NTNG2: variants seen among roughly 807,000 people sequenced by gnomAD.
NTNG2 encodes the protein netrin-G2.
A neutral mutation model predicts 47.6 loss-of-function variants in NTNG2; 15 were observed. That is an observed-to-expected ratio of 0.32 (90% confidence interval 0.21 to 0.49). The LOEUF is 0.49. Ranked by LOEUF, NTNG2 falls within the 20% of genes least tolerant of loss-of-function variation. The probability of loss-of-function intolerance (pLI) is 0.99; values close to 1 mark genes in which losing one functional copy is unlikely to be tolerated. For synonymous variants in NTNG2, 307 were observed against 324.6 expected (o/e 0.95, Z 0.58); for missense variants, 578 against 764.6 (o/e 0.76, Z 2.88).
rs567085926 is a variant in NTNG2, at chr9:132,182,346, G to C, written c.213+15302G>C. Among the ~76,000 whole-genome samples, 11 of 152,304 alleles carry C rather than the reference G, an allele frequency of 7.2e-5. No individual in the cohort carries two copies. In the South Asian group the frequency reaches 2.3e-3, roughly 32 times the overall value. On this transcript the variant is annotated intron_variant, in intron 2 of 7. Coordinates refer to ENST00000393229, the MANE Select transcript of NTNG2 (RefSeq NM_032536.4). This position sits in a 1 kb window ranked among gnomAD's most constrained non-coding sequence, Gnocchi z 4.2. ...GAGGAGTGTGCTGTCTGCCAAGGGAGGGCTCCAGGCCTGTCTGCTTGGCAC... is the reference window on the plus strand; with the variant it reads ...GAGGAGTGTGCTGTCTGCCAAGGGACGGCTCCAGGCCTGTCTGCTTGGCAC...
chr9:132,206,777 G>T (rs76504806), intron 3 of NTNG2, among the ~76,000 whole-genome samples: 7,332 of 152,368 alleles, frequency 0.048, 491 homozygotes, highest in African/African-American at 0.14. Flanking sequence ...GCATCTCCCA[G>T]GCCCCCTGAG....
intron 2 of NTNG2, among the ~76,000 whole-genome samples, chr9:132,177,893 G>A (rs1444923812): frequency 6.6e-6 from 1 of 152,092 alleles, no homozygotes; most frequent in Non-Finnish European, 1.5e-5. Flanking sequence ...CTGGACTCAA[G>A]TGATCTGCCC....
At chr9:132,211,709 G>A (rs1440780300) in intron 3 of NTNG2, among the ~76,000 whole-genome samples, 2 of 152,152 alleles carry the variant, frequency 1.3e-5, no homozygotes, top group East Asian at 3.9e-4. Flanking sequence ...GGAGACCTGT[G>A]CAACCAGCCC....
In NTNG2 at chr9:132,225,295, G is replaced by A. The variant is rs1383329557; in HGVS notation, c.858-1554G>A. On this transcript the variant is annotated intron_variant, in intron 3 of 7. Coordinates refer to ENST00000393229, the MANE Select transcript of NTNG2 (RefSeq NM_032536.4). ...TTTTGTTTTGTTTTTTTTGGAGACA[G>A]AGTCTTGCTCTGTCTCCCAGGCTGG... Among the ~76,000 whole-genome samples the A allele has an allele frequency of 4.2e-5, 6 of 144,002 alleles. No individual in the cohort carries two copies. In the South Asian group the frequency reaches 1.1e-3, roughly 27 times the overall value. The allele number at this position is 144,002 out of a possible 152,430, so 94.5% of individuals were successfully genotyped here. A position where few individuals can be genotyped will look rare whatever the true frequency, so the allele number is the denominator to read the frequency against.
At chr9:132,181,558 G>A (rs547154420) in intron 2 of NTNG2, among the ~76,000 whole-genome samples, 3 of 152,010 alleles carry the variant, frequency 2.0e-5, no homozygotes, top group African/African-American at 4.8e-5. Context: ...TAAGTGATCC[G>A]CCCACCTCAG....
intron 2 of NTNG2, among the ~76,000 whole-genome samples, chr9:132,167,735 G>A (rs753864792): frequency 6.6e-6 from 1 of 152,172 alleles, no homozygotes; most frequent in Admixed American, 6.5e-5. Flanking sequence ...AGGGGTCCTA[G>A]GGGCACGGAG....
chr9:132,222,972 G>A (rs111593279), intron 3 of NTNG2, among the ~76,000 whole-genome samples: 25 of 152,262 alleles, frequency 1.6e-4, no homozygotes, highest in African/African-American at 5.5e-4. Context: ...AAATTAGCCA[G>A]GCATGGTGGC....
At chr9:132,230,043 T>A (rs1021851625) in intron 4 of NTNG2, among the ~76,000 whole-genome samples, 5 of 152,224 alleles carry the variant, frequency 3.3e-5, no homozygotes, top group African/African-American at 1.2e-4. Flanking sequence ...CTCATAGGGT[T>A]CTTGTGAGGA....
At chr9:132,177,650 T>G (rs954213026) in intron 2 of NTNG2, among the ~76,000 whole-genome samples, 5 of 152,104 alleles carry the variant, frequency 3.3e-5, no homozygotes, top group African/African-American at 9.7e-5. Flanking sequence ...CTCTGGGTTT[T>G]TTTGTTTGTT....
At chr9:132,184,424 C>T (rs1219499435) in intron 2 of NTNG2, among the ~76,000 whole-genome samples, 1 of 152,230 alleles carries the variant, frequency 6.6e-6, no homozygotes, top group Non-Finnish European at 1.5e-5. Flanking sequence ...CCGTCATTAA[C>T]CGAAGAAGCC....
chr9:132,194,920 C>T (rs1467377218), intron 2 of NTNG2, among the ~76,000 whole-genome samples: 2 of 152,212 alleles, frequency 1.3e-5, no homozygotes, highest in Non-Finnish European at 2.9e-5. Context: ...CCTCAGAAGG[C>T]GGTGGGCCCC....
At position 132,231,612 on chromosome 9, in the gene NTNG2, A is replaced by C; in HGVS notation, c.1054+1017A>C. The C allele has an allele frequency of 7.3e-6, 2 of 274,412 alleles. No individual in the cohort carries two copies. Among genetic ancestry groups the C allele is most frequent in the South Asian group, 2.9e-5 (1 of 34,400 alleles). 17.0% of individuals were successfully genotyped at this position (274,412 alleles called of 1,614,324 possible). A position where few individuals can be genotyped will look rare whatever the true frequency, so the allele number is the denominator to read the frequency against. On this transcript the variant is annotated intron_variant, in intron 5 of 7. Transcript: ENST00000393229. This position sits in a 1 kb window ranked among gnomAD's most constrained non-coding sequence, Gnocchi z 4.1. The stretch of plus-strand genomic sequence containing the variant: ...GTGTCCCCACCCCGGCAACCCCCCA[A>C]CCCTCTCTTGCTTTTCCCATCTCTC...
intron 3 of NTNG2, among the ~76,000 whole-genome samples, chr9:132,213,644 G>T (rs150387807): frequency 6.6e-6 from 1 of 152,122 alleles, no homozygotes; most frequent in Non-Finnish European, 1.5e-5. Flanking sequence ...CGTAAGATCT[G>T]GGATTTGCTT....
chr9:132,218,047 T>C lies in NTNG2; in HGVS notation c.858-8802T>C, dbSNP rs1220367253. 6.6e-6 allele frequency among the ~76,000 whole-genome samples: 1 copy of C among 152,234 alleles called. No homozygotes were observed. Among genetic ancestry groups the C allele is most frequent in the Non-Finnish European group, 1.5e-5 (1 of 68,038 alleles). On this transcript the variant is annotated intron_variant, in intron 3 of 7. Coordinates refer to ENST00000393229, the MANE Select transcript of NTNG2 (RefSeq NM_032536.4). This position sits in a 1 kb window ranked among gnomAD's most constrained non-coding sequence, Gnocchi z 5.4. ...GCCTGTGGCATACACAAGATATTGT[T>C]TCCCGCTCTTCAGGTGAGAAAAGCG...
intron 3 of NTNG2, among the ~76,000 whole-genome samples, chr9:132,216,263 T>C (rs1839960939): frequency 6.6e-6 from 1 of 152,180 alleles, no homozygotes; most frequent in Admixed American, 6.5e-5. Flanking sequence ...GAGCACCTAC[T>C]GTGTGCCAGG....
chr9:132,188,894 C>T (rs972907689), intron 2 of NTNG2, among the ~76,000 whole-genome samples: 3 of 152,102 alleles, frequency 2.0e-5, no homozygotes, highest in South Asian at 2.1e-4. Context: ...GGTCGCTGCC[C>T]GCATGAAGCC....
intron 2 of NTNG2, among the ~76,000 whole-genome samples, chr9:132,192,248 G>A (rs1321059937): frequency 6.6e-6 from 1 of 152,180 alleles, no homozygotes; most frequent in Admixed American, 6.5e-5. Context: ...GGGGGACTGG[G>A]GTAAACTGGT....
intron 2 of NTNG2, among the ~76,000 whole-genome samples, chr9:132,172,692 G>A (rs1204971751): frequency 6.7e-6 from 1 of 149,162 alleles, no homozygotes; most frequent in African/African-American, 2.5e-5. Context: ...ATCCAGGAAC[G>A]CTTCTCAGAG....
rs951812304 is a variant in NTNG2, at chr9:132,226,664, T to A, written c.858-185T>A. Among the ~76,000 whole-genome samples the A allele has an allele frequency of 3.9e-5, 6 of 152,182 alleles. No individual in the cohort carries two copies. Among genetic ancestry groups the A allele is most frequent in the African/African-American group, 1.4e-4 (6 of 41,446 alleles). On this transcript the variant is annotated intron_variant, in intron 3 of 7. Coordinates refer to ENST00000393229, the MANE Select transcript of NTNG2 (RefSeq NM_032536.4). The surrounding 1 kb of genome is among the most constrained non-coding windows in gnomAD (Gnocchi z 4.8). ...TGTGGCCTTTGGAACACGGCGTTGA[T>A]CTCTCTGCAGGAAGGGGAATCAAGG...
Sources: gnomAD v4.1 joint callset for allele counts (sites outside exome capture counted in the v4.1 genomes callset) on GRCh38, gnomAD v4.1.1 for gene constraint, Gnocchi (gnomAD v3.1) non-coding constraint, MANE v1.5 for transcripts, NCBI Gene and HGNC (gene_info 2026-07-23, HGNC 2026-07-21) for gene names.